Variants in ROCK2 observed in about 807,000 individuals in gnomAD.
ROCK2 encodes rho-associated protein kinase 2.
A neutral mutation model predicts 195.1 loss-of-function variants in ROCK2; 61 were observed. The observed-to-expected ratio is 0.31, with a 90% CI of 0.25 to 0.39. ROCK2 has a LOEUF of 0.39. Among genes scored for constraint, ROCK2 ranks in the 10% least tolerant of loss-of-function variants. ROCK2 has a pLI of 1.00. For missense variants in ROCK2, 1,109 were observed against 1,637.4 expected, an observed-to-expected ratio of 0.68 and a Z score of 5.57; for synonymous variants, 504 against 545.5, an observed-to-expected ratio of 0.92 and a Z score of 1.06.
chr2:11,331,297 G>A (rs1007850585), intron 1 of ROCK2, among the ~76,000 whole-genome samples: 1 of 152,150 alleles, frequency 6.6e-6, no homozygotes, highest in Non-Finnish European at 1.5e-5. Flanking sequence ...CATGGCACCT[G>A]TGCCACCTGT....
chr2:11,263,658 C>T (rs765867031), intron 3 of ROCK2, among the ~76,000 whole-genome samples: 1 of 147,160 alleles, frequency 6.8e-6, no homozygotes. Context: ...AAGGCACACA[C>T]ACACACACAC....
At chr2:11,301,502 C>T (rs1470224245) in intron 1 of ROCK2, among the ~76,000 whole-genome samples, 3 of 151,938 alleles carry the variant, frequency 2.0e-5, no homozygotes, top group Non-Finnish European at 2.9e-5. Flanking sequence ...CTCTGCTGGG[C>T]GCGGTGGCTC....
intron 4 of ROCK2, among the ~76,000 whole-genome samples, chr2:11,237,021 A>T (rs1227944382): frequency 6.6e-6 from 1 of 152,136 alleles, no homozygotes. Context: ...GCGTAGTGGC[A>T]GGCACCTGTA....
intron 1 of ROCK2, 55 bp downstream of exon 1, chr2:11,343,941 A>G (rs1669194095): frequency 1.3e-6 from 2 of 1,547,688 alleles, no homozygotes; most frequent in Middle Eastern, 1.7e-4. Flanking sequence ...CTGGGCGGAG[A>G]GGGGATCTGA....
Position 11,192,233 on chromosome 2 carries a change from G to A in ROCK2, c.4078C>T (p.Arg1360Ter), listed in dbSNP as rs1558277230. The A allele has an allele frequency of 1.2e-6, 2 of 1,613,680 alleles. No individual in the cohort carries two copies. Among genetic ancestry groups the A allele is most frequent in the East Asian group, 2.2e-5 (1 of 44,862 alleles). Residue 1360 changes from arginine to a stop codon, truncating the protein, a stop_gained, in exon 32 of 33, where the codon CGA becomes TGA. Coordinates refer to ENST00000315872, the MANE Select transcript of ROCK2 (RefSeq NM_004850.5). LOFTEE classifies it high-confidence loss of function. This position sits in a 1 kb window ranked among gnomAD's most constrained non-coding sequence, Gnocchi z 5.0. ...KKPPAPDPFARSSPRTSMKIQ... is the reference protein window; with the variant it reads ...KKPPAPDPFA ...TTCATTGAAGTTCTAGGAGATGATC[G>A]GGCAAAAGGGTCTGGAGCTGGGGGC...
At chr2:11,297,042 T>C (rs1179785109) in intron 1 of ROCK2, among the ~76,000 whole-genome samples, 1 of 152,142 alleles carries the variant, frequency 6.6e-6, no homozygotes, top group Non-Finnish European at 1.5e-5. Context: ...AGCAACATTA[T>C]TTATAATAGC....
Position 11,235,773 on chromosome 2 carries a change from C to A in ROCK2, c.652G>T (p.Asp218Tyr). The A allele has an allele frequency of 6.2e-7, 1 of 1,613,912 alleles. No individual in the cohort carries two copies. Among genetic ancestry groups the A allele is most frequent in the South Asian group, 1.1e-5 (1 of 91,048 alleles). ...MGLIHRDVKP[D>Y]NMLLDKHGHL... ...CCATGTTTATCCAAGAGCATGTTGT[C>A]AGGCTTCACATCTCTGTGTATTAAA... The change falls in exon 5 of 33, where the codon GAC becomes TAC. Residue 218 changes from aspartate (D) to tyrosine (Y), a missense_variant. Around this residue, in one of 6 missense-constraint regions of ROCK2, gnomAD observed 253 missense variants for 455.5 expected, o/e 0.56. Coordinates refer to ENST00000315872, the MANE Select transcript of ROCK2 (RefSeq NM_004850.5). This position sits in a 1 kb window ranked among gnomAD's most constrained non-coding sequence, Gnocchi z 4.2.
At chr2:11,275,438 T>C (rs1666791232) in intron 3 of ROCK2, among the ~76,000 whole-genome samples, 1 of 152,100 alleles carries the variant, frequency 6.6e-6, no homozygotes, top group Non-Finnish European at 1.5e-5. Context: ...CAGGTGACTG[T>C]ACGAGAAAAC....
intron 32 of ROCK2, among the ~76,000 whole-genome samples, chr2:11,189,445 A>G (rs752666088): frequency 1.3e-5 from 2 of 152,192 alleles, no homozygotes; most frequent in South Asian, 2.1e-4. Context: ...ATGCTACTCA[A>G]TGAGATTTAC....
At chr2:11,216,841 G>A (rs149370873) in intron 12 of ROCK2, among the ~76,000 whole-genome samples, 6,447 of 151,848 alleles carry the variant, frequency 0.042, 275 homozygotes, top group Non-Finnish European at 0.06. Flanking sequence ...TCTCTGCCTT[G>A]GCCTCCCAGG....
chr2:11,258,878 T>TA lies in ROCK2; in HGVS notation c.325-9081dup, dbSNP rs1000527857. ...TGATGTGTGGATCCTGGAAAGGGAT[T>TA]AAAAAAAAAAGAAAACTGAAAAGGG... On this transcript the variant is annotated intron_variant, in intron 3 of 32. Coordinates refer to ENST00000315872, the MANE Select transcript of ROCK2 (RefSeq NM_004850.5). Among the ~76,000 whole-genome samples the TA allele has an allele frequency of 3.5e-4, 51 of 144,714 alleles. 2 individuals carry two copies. The highest frequency in any genetic ancestry group is 6.2e-4 in the African/African-American group (24 of 38,508). 94.9% of individuals were successfully genotyped at this position (144,714 alleles called of 152,430 possible).
Position 11,270,205 on chromosome 2 carries a change from G to T in ROCK2, c.324+16334C>A, listed in dbSNP as rs575866676. ...TTTTTGCTTGCATGGTTTCTGAGGA[G>T]AAGTCAGATAAAATTCTTATCTTTG... On this transcript the variant is annotated intron_variant, in intron 3 of 32. Coordinates refer to ENST00000315872, the MANE Select transcript of ROCK2 (RefSeq NM_004850.5). Among the ~76,000 whole-genome samples the T allele has an allele frequency of 2.6e-5, 4 of 152,300 alleles. No individual in the cohort carries two copies. The East Asian group carries it at 7.7e-4, about 29-fold the overall frequency.
chr2:11,242,536 A>G (rs1665463628), intron 4 of ROCK2, among the ~76,000 whole-genome samples: 1 of 152,122 alleles, frequency 6.6e-6, no homozygotes, highest in Admixed American at 6.6e-5. Context: ...ATTTGAGGAA[A>G]CCAAGATAAG....
chr2:11,217,512 C>T (rs1424164365), intron 11 of ROCK2, among the ~76,000 whole-genome samples: 2 of 152,136 alleles, frequency 1.3e-5, no homozygotes, highest in African/African-American at 4.8e-5. Context: ...GAATTATTTG[C>T]TTGAAAATAT....
Position 11,344,023 on chromosome 2 carries a change from G to A in ROCK2, c.114C>T (p.Arg38=), listed in dbSNP as rs1572435781. 3.1e-6 allele frequency: 5 copies of A among 1,590,508 alleles called. No individual in the cohort carries two copies. The highest frequency in any genetic ancestry group is 4.3e-6 in the Non-Finnish European group (5 of 1,169,574). ...GCAAGCTCTCCACGTTGATGGGGGA[G>A]CGAGGGTCTCGGATCAGCGCCTCCA... is the stretch of plus-strand genomic sequence containing the variant. ...RKLEALIRDP[R]SPINVESLLD... is the part of the protein sequence containing the mutation. The change falls in exon 1 of 33, where the codon CGC becomes CGT. Residue 38 remains arginine, a synonymous_variant. Transcript: ENST00000315872. This position sits in a 1 kb window ranked among gnomAD's most constrained non-coding sequence, Gnocchi z 5.4.
Position 11,222,095 on chromosome 2 carries a change from T to C in ROCK2, c.1087A>G (p.Asn363Asp). 6.2e-7 allele frequency: 1 copy of C among 1,600,564 alleles called. No homozygotes were observed. The highest frequency in any genetic ancestry group is 1.7e-4 in the Middle Eastern group (1 of 6,034). Residue 363 changes from asparagine (N) to aspartate (D), a missense_variant, in exon 8 of 33, where the codon AAC becomes GAC. Coordinates refer to ENST00000315872, the MANE Select transcript of ROCK2 (RefSeq NM_004850.5). ...TTTATTGACTTACTTTCTCTTATGTTATCCCAATGCCACTGATCATTCTTA... is the reference window on the plus strand; with the variant it reads ...TTTATTGACTTACTTTCTCTTATGTCATCCCAATGCCACTGATCATTCTTA... ...FFKNDQWHWD[N>D]IRETAAPVVP... is the part of the protein sequence containing the mutation.
At chr2:11,238,546 A>C (rs10187981) in intron 4 of ROCK2, among the ~76,000 whole-genome samples, 3 of 152,022 alleles carry the variant, frequency 2.0e-5, no homozygotes, top group Non-Finnish European at 4.4e-5. Flanking sequence ...CTACAAAATT[A>C]CAATAATCAA....
intron 4 of ROCK2, among the ~76,000 whole-genome samples, chr2:11,247,970 G>A (rs755904589): frequency 7.9e-5 from 12 of 151,648 alleles, no homozygotes; most frequent in African/African-American, 1.5e-4. Flanking sequence ...TGCAATGAGC[G>A]AAGATCACGC....
At chr2:11,196,595 ATTAG>A (rs921494015) in intron 27 of ROCK2, among the ~76,000 whole-genome samples, 3 of 152,236 alleles carry the variant, frequency 2.0e-5, no homozygotes, top group African/African-American at 7.2e-5. Context: ...GTTAGTGGTT[ATTAG>A]TTAATGTTAC....
Sources: gnomAD v4.1 joint callset for allele counts (sites outside exome capture counted in the v4.1 genomes callset) on GRCh38, gnomAD v4.1.1 for gene constraint, gnomAD v4.1.1 regional missense constraint, Gnocchi (gnomAD v3.1) non-coding constraint, MANE v1.5 for transcripts, NCBI Gene and HGNC (gene_info 2026-07-23, HGNC 2026-07-21) for gene names.